The following PSAP variants were observed in gnomAD, a reference collection of about 807,000 sequenced individuals.
The protein encoded by PSAP is prosaposin.
Under a neutral mutation model 66.0 loss-of-function variants are expected in PSAP, and 25 were observed. The ratio of observed to expected loss-of-function variants is 0.38; its 90% CI spans 0.28 to 0.53. PSAP has a LOEUF of 0.53. Ranked by LOEUF, PSAP falls within the 20% of genes least tolerant of loss-of-function variation. The pLI is 0.83. For missense variants in PSAP, 649 were observed against 668.8 expected (o/e 0.97, Z 0.33); for synonymous variants, 273 against 258.9 (o/e 1.05, Z -0.52).
intron 2 of PSAP, among the ~76,000 whole-genome samples, chr10:71,833,337 T>C (rs1842557572): frequency 6.6e-6 from 1 of 151,898 alleles, no homozygotes; most frequent in East Asian, 1.9e-4. Context: ...TCCACATCTG[T>C]GGTTCCAGTA....
At position 71,816,423 on chromosome 10, in the gene PSAP, G is replaced by A. The variant is rs1180275742; in HGVS notation, c.*1018C>T. 14 of 471,214 alleles carry A rather than the reference G, an allele frequency of 3.0e-5. No homozygotes were observed. Among genetic ancestry groups the A allele is most frequent in the Non-Finnish European group, 5.3e-5 (12 of 227,058 alleles). The allele number at this position is 471,214 out of a possible 1,614,324, so 29.2% of individuals were successfully genotyped here. ...TTGCTGTCTCCTGGCAACCAGAAGTGGACAGAAGCGTGGGTGCCCAAGTGG... is the reference window on the plus strand; with the variant it reads ...TTGCTGTCTCCTGGCAACCAGAAGTAGACAGAAGCGTGGGTGCCCAAGTGG... On this transcript the variant is annotated 3_prime_UTR_variant, in exon 14 of 14. Coordinates refer to ENST00000394936, the MANE Select transcript of PSAP (RefSeq NM_002778.4).
At position 71,828,009 on chromosome 10, in the gene PSAP, C is replaced by T. The variant is rs1313793654; in HGVS notation, c.720+5G>A. Reference sequence around the variant, plus strand: ...ATCCCCAATGCACAAGGACACAAGGCTCACTATGTCGGCCATGCCAGGGCC... The same window carrying T: ...ATCCCCAATGCACAAGGACACAAGGTTCACTATGTCGGCCATGCCAGGGCC... On this transcript the variant is annotated splice_donor_5th_base_variant and intron_variant, in intron 6 of 13. Coordinates refer to ENST00000394936, the MANE Select transcript of PSAP (RefSeq NM_002778.4). 1 of 1,614,184 alleles carries T rather than the reference C, an allele frequency of 6.2e-7. No homozygotes were observed. Among genetic ancestry groups the T allele is most frequent in the East Asian group, 2.2e-5 (1 of 44,888 alleles).
rs148021314 is a variant in PSAP, at chr10:71,820,518, C to A, written c.910-183G>T. On this transcript the variant is annotated intron_variant, in intron 8 of 13. Coordinates refer to ENST00000394936, the MANE Select transcript of PSAP (RefSeq NM_002778.4). ...AGTTAATTCCCTATTTTTACATTCACCCCCTTCCCCAATCCTCTACCACCC... is the reference window on the plus strand; with the variant it reads ...AGTTAATTCCCTATTTTTACATTCAACCCCTTCCCCAATCCTCTACCACCC... Among the ~76,000 whole-genome samples the A allele has an allele frequency of 0.011, 1,697 of 152,100 alleles. 30 individuals are homozygous for A. Among genetic ancestry groups the A allele is most frequent in the African/African-American group, 0.038 (1,569 of 41,452 alleles).
At chr10:71,822,033 C>T (rs1842311373) in intron 7 of PSAP, 26 bp from the exon 8 acceptor site, 1 of 1,614,004 alleles carries the variant, frequency 6.2e-7, no homozygotes, top group Non-Finnish European at 8.5e-7. Flanking sequence ...AACAACCAGT[C>T]AGCAGCAAGC....
At chr10:71,819,693 C>T (rs746769481) in intron 10 of PSAP, 21 bp downstream of exon 10, 6 of 1,614,074 alleles carry the variant, frequency 3.7e-6, no homozygotes, top group Non-Finnish European at 1.7e-6. Context: ...CATCCTCTCC[C>T]GCACCACACC....
intron 1 of PSAP, among the ~76,000 whole-genome samples, chr10:71,834,855 T>C (rs148355623): frequency 1.3e-5 from 2 of 152,138 alleles, no homozygotes; most frequent in East Asian, 1.9e-4. Context: ...AAAGAAACCA[T>C]AGGAGAAAAG....
chr10:71,834,367 C>T lies in PSAP; in HGVS notation c.174+5G>A, dbSNP rs777253556. 5.6e-6 allele frequency: 9 copies of T among 1,613,402 alleles called. No homozygotes were observed. The highest frequency in any genetic ancestry group is 8.5e-7 in the Non-Finnish European group (1 of 1,180,034). ...CGGCTGGGACTGGAGGGCAGCGGCA[C>T]TCACCACTGTTGGCTTGTTCCAAAC... On this transcript the variant is annotated splice_donor_5th_base_variant and intron_variant, in intron 2 of 13. Coordinates refer to ENST00000394936, the MANE Select transcript of PSAP (RefSeq NM_002778.4).
intron 1 of PSAP, among the ~76,000 whole-genome samples, chr10:71,848,784 A>G (rs1052058124): frequency 7.2e-5 from 11 of 152,190 alleles, no homozygotes; most frequent in African/African-American, 2.2e-4. Flanking sequence ...CATTTTCACA[A>G]TATCACAAAG....
chr10:71,822,271 C>G (rs555983012), intron 7 of PSAP: 261 of 521,674 alleles, frequency 5.0e-4, no homozygotes, highest in African/African-American at 4.3e-3. Context: ...CATCCAGGGC[C>G]ACCACGAGGG....
chr10:71,843,714 G>A (rs1842771331), intron 1 of PSAP, among the ~76,000 whole-genome samples: 1 of 152,216 alleles, frequency 6.6e-6, no homozygotes, highest in Admixed American at 6.5e-5. Flanking sequence ...GCTGGGAAGT[G>A]GGAAGAGATT....
chr10:71,848,149 G>A (rs760684966), intron 1 of PSAP, among the ~76,000 whole-genome samples: 5 of 152,194 alleles, frequency 3.3e-5, no homozygotes, highest in Non-Finnish European at 5.9e-5. Flanking sequence ...TCACATCTAT[G>A]GTGTTCAAAG....
At chr10:71,849,120 A>C (rs920928930) in intron 1 of PSAP, among the ~76,000 whole-genome samples, 1 of 152,230 alleles carries the variant, frequency 6.6e-6, no homozygotes, top group East Asian at 1.9e-4. Context: ...AAAGAAAAAA[A>C]ATTGCCCTGA....
Position 71,816,619 on chromosome 10 carries a change from C to T in PSAP, c.*822G>A. 2.6e-6 allele frequency: 1 copy of T among 381,976 alleles called. No individual in the cohort carries two copies. The highest frequency in any genetic ancestry group is 7.4e-5 in the East Asian group (1 of 13,440). 23.7% of individuals were successfully genotyped at this position (381,976 alleles called of 1,614,324 possible). On this transcript the variant is annotated 3_prime_UTR_variant, in exon 14 of 14. Coordinates refer to ENST00000394936, the MANE Select transcript of PSAP (RefSeq NM_002778.4). ...GACAAGGGAGGGGTGCAGGCTGAAG[C>T]AGCGCCTCAACAGCCAGGGACATGT...
chr10:71,825,001 CAG>C (rs1293542985), intron 7 of PSAP, among the ~76,000 whole-genome samples: 1 of 152,104 alleles, frequency 6.6e-6, no homozygotes, highest in Non-Finnish European at 1.5e-5. Flanking sequence ...TACAGCAGGT[CAG>C]AGAGTCAATC....
intron 4 of PSAP, among the ~76,000 whole-genome samples, chr10:71,829,596 T>C (rs1472963366): frequency 3.9e-5 from 6 of 152,170 alleles, no homozygotes; most frequent in Non-Finnish European, 8.8e-5. Context: ...TTAAACCTTT[T>C]TTTCTTTTTT....
intron 1 of PSAP, among the ~76,000 whole-genome samples, chr10:71,835,318 C>G (rs1007829674): frequency 3.3e-5 from 5 of 152,164 alleles, no homozygotes; most frequent in Non-Finnish European, 4.4e-5. Context: ...GCCGGTGGCT[C>G]ATGCCTATAA....
intron 7 of PSAP, chr10:71,825,576 T>G: frequency 1.8e-6 from 1 of 548,218 alleles, no homozygotes; most frequent in Non-Finnish European, 3.5e-6. Flanking sequence ...ATGGCTGGCC[T>G]GAACGGGCAG....
At chr10:71,823,271 T>C (rs1032993374) in intron 7 of PSAP, among the ~76,000 whole-genome samples, 5 of 152,206 alleles carry the variant, frequency 3.3e-5, no homozygotes, top group African/African-American at 4.8e-5. Context: ...CATTTGGTTC[T>C]TGTAGCATGC....
chr10:71,838,436 G>A (rs944246565), intron 1 of PSAP, among the ~76,000 whole-genome samples: 13 of 30,916 alleles, frequency 4.2e-4, no homozygotes, highest in South Asian at 2.3e-3. Context: ...AGAGACACGC[G>A]GTCATCTCCA....
Sources: allele counts gnomAD v4.1 joint callset (sites outside exome capture counted in the v4.1 genomes callset), GRCh38; gene constraint gnomAD v4.1.1; transcripts MANE v1.5; gene names NCBI Gene and HGNC (gene_info 2026-07-23, HGNC 2026-07-21).